Variants in SLC4A4 observed in about 807,000 individuals in gnomAD.
The protein encoded by SLC4A4 is solute carrier family 4 member 4, also known as electrogenic sodium bicarbonate cotransporter 1.
Under a neutral mutation model 111.5 loss-of-function variants are expected in SLC4A4, and 27 were observed. The observed-to-expected ratio is 0.24, with a 90% CI of 0.18 to 0.33. SLC4A4 has a LOEUF of 0.33. Among genes scored for constraint, SLC4A4 ranks in the 10% least tolerant of loss-of-function variants. The pLI is 1.00. For synonymous variants in SLC4A4, 443 were observed against 463.4 expected (o/e 0.96, Z 0.57); for missense variants, 909 against 1,315.5 (o/e 0.69, Z 4.78).
intron 24 of SLC4A4, among the ~76,000 whole-genome samples, chr4:71,564,226 A>G (rs1044419296): frequency 4.0e-5 from 3 of 74,436 alleles, no homozygotes; most frequent in African/African-American, 1.1e-4. Context: ...ATACTACATC[A>G]CTGTCACTGT....
At chr4:71,344,295 G>A (rs1453460929) in intron 4 of SLC4A4, among the ~76,000 whole-genome samples, 2 of 152,224 alleles carry the variant, frequency 1.3e-5, no homozygotes, top group East Asian at 1.9e-4. Flanking sequence ...GGAGAGGCGT[G>A]GAGTGAATAT....
intron 3 of SLC4A4, among the ~76,000 whole-genome samples, chr4:71,286,269 C>G (rs1008943609): frequency 6.6e-6 from 1 of 152,136 alleles, no homozygotes; most frequent in African/African-American, 2.4e-5. Flanking sequence ...CTGGGCTTCA[C>G]TCTCAAAGAT....
intron 12 of SLC4A4, among the ~76,000 whole-genome samples, chr4:71,462,470 G>A (rs915519082): frequency 2.7e-5 from 4 of 147,184 alleles, no homozygotes; most frequent in South Asian, 2.2e-4. Context: ...GTGGAGTGGC[G>A]TGATCTCAGC....
intron 3 of SLC4A4, among the ~76,000 whole-genome samples, chr4:71,286,967 C>A (rs1213718776): frequency 6.6e-6 from 1 of 151,682 alleles, no homozygotes; most frequent in Non-Finnish European, 1.5e-5. Flanking sequence ...GTAACAGTAA[C>A]TTCTTGAGGT....
intron 3 of SLC4A4, among the ~76,000 whole-genome samples, chr4:71,264,449 G>T (rs1345835503): frequency 1.3e-5 from 2 of 152,060 alleles, no homozygotes; most frequent in Non-Finnish European, 2.9e-5. Flanking sequence ...GAGGCTTTGT[G>T]TAGGAATAAT....
intron 2 of SLC4A4, among the ~76,000 whole-genome samples, chr4:71,102,441 A>G (rs1742778552): frequency 6.6e-6 from 1 of 151,764 alleles, no homozygotes; most frequent in Admixed American, 6.6e-5. Flanking sequence ...ATACTCCTCG[A>G]GAAGAGCAAC....
At chr4:71,294,934 TACTC>T (rs1345937176) in intron 3 of SLC4A4, among the ~76,000 whole-genome samples, 2 of 152,238 alleles carry the variant, frequency 1.3e-5, no homozygotes, top group African/African-American at 2.4e-5. Context: ...AATCCAATCT[TACTC>T]AGTAAAACAA....
chr4:71,196,226 T>G (rs1000209234), intron 1 of SLC4A4, among the ~76,000 whole-genome samples: 6 of 152,222 alleles, frequency 3.9e-5, no homozygotes, highest in African/African-American at 1.4e-4. Flanking sequence ...TAGGGCCTCA[T>G]GGTAGGGACT....
chr4:71,338,269 T>A (rs1436332551), intron 3 of SLC4A4, among the ~76,000 whole-genome samples: 1 of 152,232 alleles, frequency 6.6e-6, no homozygotes, highest in Non-Finnish European at 1.5e-5. Flanking sequence ...TGTCCTGTAT[T>A]ATAATAGTTT....
intron 6 of SLC4A4, among the ~76,000 whole-genome samples, chr4:71,367,858 G>A (rs1247134383): frequency 6.6e-6 from 1 of 152,072 alleles, no homozygotes; most frequent in East Asian, 1.9e-4. Context: ...CCCAAATTTG[G>A]CTATAAACTT....
chr4:71,188,138 C>T (rs1253587451), intron 1 of SLC4A4, among the ~76,000 whole-genome samples: 1 of 152,058 alleles, frequency 6.6e-6, no homozygotes, highest in Admixed American at 6.5e-5. Context: ...GTTGCCAGTC[C>T]GTTAATAAGT....
chr4:71,463,973 G>A (rs371405713), intron 12 of SLC4A4, among the ~76,000 whole-genome samples: 2 of 152,072 alleles, frequency 1.3e-5, no homozygotes, highest in Non-Finnish European at 2.9e-5. Flanking sequence ...ATCCATAGTA[G>A]TGATAAGAAA....
At chr4:71,128,032 G>A (rs13122168) in intron 2 of SLC4A4, among the ~76,000 whole-genome samples, 91,781 of 152,110 alleles carry the variant, frequency 0.6, 30,519 homozygotes, top group Non-Finnish European at 0.72. Context: ...GTTGCAGTAA[G>A]CTGTCATCGT....
intron 1 of SLC4A4, among the ~76,000 whole-genome samples, chr4:71,081,093 A>T (rs572481205): frequency 3.7e-4 from 56 of 152,224 alleles, no homozygotes; most frequent in African/African-American, 1.3e-3. Flanking sequence ...TTTTCCTCTG[A>T]AGCACAAAGT....
chr4:71,231,072 A>C (rs1021020328), intron 1 of SLC4A4, among the ~76,000 whole-genome samples: 1 of 152,074 alleles, frequency 6.6e-6, no homozygotes, highest in Non-Finnish European at 1.5e-5. Context: ...GAAATGCTAC[A>C]GTGGGAGGCG....
At chr4:71,167,149 G>A (rs1027995317) in intron 2 of SLC4A4, among the ~76,000 whole-genome samples, 6 of 152,094 alleles carry the variant, frequency 3.9e-5, no homozygotes, top group Admixed American at 3.9e-4. Flanking sequence ...GGAATCATTT[G>A]GAGGTTCCTT....
chr4:71,485,617 A>T (rs902740300), intron 14 of SLC4A4, among the ~76,000 whole-genome samples: 4 of 151,398 alleles, frequency 2.6e-5, no homozygotes, highest in African/African-American at 9.7e-5. Flanking sequence ...AAATAGAGAA[A>T]CTCTGGCAAC....
chr4:71,128,177 G>A (rs867482865), intron 2 of SLC4A4, among the ~76,000 whole-genome samples: 1 of 152,200 alleles, frequency 6.6e-6, no homozygotes, highest in African/African-American at 2.4e-5. Flanking sequence ...ACCTGGCTGG[G>A]GAGGCCTCAC....
chr4:71,465,414 A>C (rs73828157), intron 12 of SLC4A4, among the ~76,000 whole-genome samples: 2,821 of 151,572 alleles, frequency 0.019, 78 homozygotes, highest in African/African-American at 0.063. Flanking sequence ...TGTCTTCATA[A>C]AATATTATTT....
Sources: allele counts gnomAD v4.1 joint callset (sites outside exome capture counted in the v4.1 genomes callset), GRCh38; gene constraint gnomAD v4.1.1; transcripts MANE v1.5; gene names NCBI Gene and HGNC (gene_info 2026-07-23, HGNC 2026-07-21).